TRAPPC9: variants seen among roughly 807,000 people sequenced by gnomAD.
TRAPPC9 encodes trafficking protein particle complex subunit 9.
In TRAPPC9, 83 loss-of-function variants were observed where a neutral mutation model predicts 124.0. The ratio of observed to expected loss-of-function variants is 0.67; its 90% CI spans 0.56 to 0.80. The LOEUF (loss-of-function observed/expected upper bound fraction) is 0.80, where lower values mean the gene tolerates loss of function less well. Among genes scored for constraint, TRAPPC9 ranks in the 30% least tolerant of loss-of-function variants. The probability of loss-of-function intolerance (pLI) is 0.00; values close to 1 mark genes in which losing one functional copy is unlikely to be tolerated. For missense variants in TRAPPC9, 1,302 were observed against 1,508.3 expected, an observed-to-expected ratio of 0.86 and a Z score of 2.27; for synonymous variants, 638 against 617.5, an observed-to-expected ratio of 1.03 and a Z score of -0.49.
At chr8:139,751,689 T>TATCTACCATCC (rs1819316214) in intron 21 of TRAPPC9, among the ~76,000 whole-genome samples, 1 of 152,082 alleles carries the variant, frequency 6.6e-6, no homozygotes, top group African/African-American at 2.4e-5. Context: ...GTCATCCACC[T>TATCTACCATCC]ATCCATCCAG....
chr8:140,036,743 G>A (rs180989201), intron 17 of TRAPPC9, among the ~76,000 whole-genome samples: 109 of 152,310 alleles, frequency 7.2e-4, no homozygotes, highest in African/African-American at 2.4e-3. Context: ...GAGAGAGCAG[G>A]AGCCAGCGGA....
chr8:139,838,098 G>A (rs1362569431), intron 21 of TRAPPC9, among the ~76,000 whole-genome samples: 5 of 152,106 alleles, frequency 3.3e-5, no homozygotes, highest in South Asian at 4.2e-4. Flanking sequence ...CTCTCTCTTT[G>A]TGGAATTCTC....
rs117678706 is a variant in TRAPPC9, at chr8:139,823,022, G to A, written c.3055+62857C>T. Among the ~76,000 whole-genome samples the A allele has an allele frequency of 8.2e-3, 1,247 of 152,228 alleles. 10 individuals carry two copies. Among genetic ancestry groups the A allele is most frequent in the South Asian group, 0.019 (93 of 4,810 alleles). On this transcript the variant is annotated intron_variant, in intron 21 of 22. Coordinates refer to ENST00000438773, the MANE Select transcript of TRAPPC9 (RefSeq NM_001160372.4). Reference sequence around the variant, plus strand: ...CCTCAGGTGTGTGCAGCTCTCTGGCGCCTCTTCCTACAGGGACAGTAATTT... The same window carrying A: ...CCTCAGGTGTGTGCAGCTCTCTGGCACCTCTTCCTACAGGGACAGTAATTT...
intron 6 of TRAPPC9, among the ~76,000 whole-genome samples, chr8:140,404,457 T>A (rs1241942222): frequency 6.6e-6 from 1 of 152,154 alleles, no homozygotes; most frequent in Non-Finnish European, 1.5e-5. Context: ...AATGTCTTGA[T>A]GAATACATGA....
At chr8:140,047,889 G>A (rs890215517) in intron 17 of TRAPPC9, among the ~76,000 whole-genome samples, 18 of 152,336 alleles carry the variant, frequency 1.2e-4, no homozygotes, top group African/African-American at 3.6e-4. Context: ...AGTGGAGGGC[G>A]AGGTCAGGAG....
intron 20 of TRAPPC9, among the ~76,000 whole-genome samples, chr8:139,897,302 G>GGCTA (rs1220335832): frequency 6.6e-6 from 1 of 152,176 alleles, no homozygotes; most frequent in African/African-American, 2.4e-5. Context: ...CAGGGGCTGG[G>GGCTA]GCTAGCCCTG....
chr8:139,992,010 A>G (rs4736013), intron 18 of TRAPPC9, among the ~76,000 whole-genome samples: 150,743 of 152,202 alleles, frequency 0.99, 74,655 homozygotes, highest in Middle Eastern at 1. Context: ...GGGCAGGACC[A>G]ATGGGGTTGT....
chr8:140,135,720 C>T (rs1201004007), intron 17 of TRAPPC9, among the ~76,000 whole-genome samples: 1 of 152,200 alleles, frequency 6.6e-6, no homozygotes, highest in African/African-American at 2.4e-5. Flanking sequence ...GCAAGAGTTG[C>T]ATAACATGGT....
intron 15 of TRAPPC9, among the ~76,000 whole-genome samples, chr8:140,255,158 CAGAG>C (rs1295339020): frequency 6.6e-6 from 1 of 152,222 alleles, no homozygotes; most frequent in African/African-American, 2.4e-5. Flanking sequence ...GATACTAACA[CAGAG>C]AGACAGATCC....
intron 21 of TRAPPC9, among the ~76,000 whole-genome samples, chr8:139,815,393 C>CTTTTT (rs33934110): frequency 6.9e-6 from 1 of 145,570 alleles, no homozygotes; most frequent in African/African-American, 2.5e-5. Context: ...GCATTCATAA[C>CTTTTT]TTTTTTTTTT....
intron 17 of TRAPPC9, among the ~76,000 whole-genome samples, chr8:140,105,828 A>G (rs1053495969): frequency 6.6e-6 from 1 of 152,138 alleles, no homozygotes; most frequent in African/African-American, 2.4e-5. Context: ...TGAATCTCAG[A>G]ACACCAGAGG....
chr8:139,842,625 C>T (rs1026409982), intron 21 of TRAPPC9, among the ~76,000 whole-genome samples: 2 of 151,232 alleles, frequency 1.3e-5, no homozygotes, highest in Non-Finnish European at 2.9e-5. Context: ...ATGGCCCCCG[C>T]CTGAGAAGGC....
At chr8:140,152,349 T>C (rs1296996497) in intron 17 of TRAPPC9, among the ~76,000 whole-genome samples, 1 of 147,248 alleles carries the variant, frequency 6.8e-6, no homozygotes, top group Non-Finnish European at 1.5e-5. Context: ...TGGGTAATAT[T>C]GCCATCTTTT....
At position 140,397,591 on chromosome 8, in the gene TRAPPC9, C is replaced by T. The variant is rs763477982; in HGVS notation, c.1134+29G>A. The T allele has an allele frequency of 4.3e-6, 7 of 1,613,304 alleles. No individual in the cohort carries two copies. In the African/African-American group the frequency reaches 8.0e-5, roughly 18 times the overall value. ...CAATTCCGTAAGAACTGGATGAACT[C>T]TTCCACTTACAGGTAGACATACACT... On this transcript the variant is annotated intron_variant, in intron 7 of 22. Transcript: ENST00000438773.
chr8:140,134,543 G>GTGAGCCACCATGC (rs60976788), intron 17 of TRAPPC9, among the ~76,000 whole-genome samples: 7,925 of 152,246 alleles, frequency 0.052, 321 homozygotes, highest in African/African-American at 0.11. Flanking sequence ...GGATTACATG[G>GTGAGCCACCATGC]TTGGCCAGCC....
intron 10 of TRAPPC9, among the ~76,000 whole-genome samples, chr8:140,303,288 A>C (rs540712289): frequency 2.9e-4 from 44 of 152,302 alleles, no homozygotes; most frequent in Admixed American, 1.6e-3. Flanking sequence ...ATATTCAATG[A>C]GTCCCACTCC....
At chr8:139,839,170 G>C (rs1474949835) in intron 21 of TRAPPC9, among the ~76,000 whole-genome samples, 2 of 152,256 alleles carry the variant, frequency 1.3e-5, no homozygotes, top group African/African-American at 4.8e-5. Context: ...ACGTGGCACA[G>C]GCCTGGGCCC....
chr8:139,851,307 T>A (rs1340691323), intron 21 of TRAPPC9, among the ~76,000 whole-genome samples: 1 of 151,998 alleles, frequency 6.6e-6, no homozygotes, highest in African/African-American at 2.4e-5. Flanking sequence ...GAACACACAC[T>A]CTCCCCGTGT....
At chr8:140,157,475 C>G (rs562082992) in intron 17 of TRAPPC9, among the ~76,000 whole-genome samples, 87 of 152,258 alleles carry the variant, frequency 5.7e-4, no homozygotes, top group African/African-American at 2.0e-3. Flanking sequence ...CAACGAATGA[C>G]GAAATGAGTG....
Sources: allele counts gnomAD v4.1 joint callset (sites outside exome capture counted in the v4.1 genomes callset), GRCh38; gene constraint gnomAD v4.1.1; transcripts MANE v1.5; gene names NCBI Gene and HGNC (gene_info 2026-07-23, HGNC 2026-07-21).